The following NFATC2 variants were observed in gnomAD, a reference collection of about 807,000 sequenced individuals.
The protein encoded by NFATC2 is nuclear factor of activated T-cells, cytoplasmic 2.
Under a neutral mutation model 87.3 loss-of-function variants are expected in NFATC2, and 22 were observed. The observed-to-expected ratio is 0.25, with a 90% CI of 0.18 to 0.36. NFATC2 has a LOEUF of 0.36. Ranked by LOEUF, NFATC2 falls within the 10% of genes least tolerant of loss-of-function variation. The pLI is 1.00. For missense variants in NFATC2, 1,149 were observed against 1,259.1 expected (o/e 0.91, Z 1.32); for synonymous variants, 565 against 542.2 (o/e 1.04, Z -0.58).
intron 6 of NFATC2, among the ~76,000 whole-genome samples, chr20:51,439,758 C>T (rs1568979349): frequency 1.3e-5 from 2 of 152,228 alleles, no homozygotes; most frequent in African/African-American, 2.4e-5. Flanking sequence ...CCACGTACCC[C>T]AAATTTCGGA....
intron 9 of NFATC2, among the ~76,000 whole-genome samples, chr20:51,402,802 A>T (rs1446143887): frequency 6.6e-6 from 1 of 152,206 alleles, no homozygotes; most frequent in Non-Finnish European, 1.5e-5. Context: ...TGCTCATGTC[A>T]CAGAATCATG....
In NFATC2 at chr20:51,400,264, C is replaced by G. The variant is rs148420314; in HGVS notation, c.2723-1534G>C. 1.7e-3 allele frequency among the ~76,000 whole-genome samples: 252 copies of G among 152,310 alleles called. 1 individual carries two copies. Among genetic ancestry groups the G allele is most frequent in the African/African-American group, 5.5e-3 (227 of 41,556 alleles). ...AGTTCTGTAATGACCAACACGTTGTCACTTTATCCATATCTACTCATTTAA... is the reference window on the plus strand; with the variant it reads ...AGTTCTGTAATGACCAACACGTTGTGACTTTATCCATATCTACTCATTTAA... On this transcript the variant is annotated intron_variant, in intron 9 of 10. Transcript: ENST00000371564.
chr20:51,477,090 G>A (rs1385011349), intron 3 of NFATC2, among the ~76,000 whole-genome samples: 1 of 152,072 alleles, frequency 6.6e-6, no homozygotes, highest in Non-Finnish European at 1.5e-5. Context: ...GTACAAAAAT[G>A]TTTACAAAAA....
At chr20:51,392,097 T>C (rs917608623) in intron 10 of NFATC2, among the ~76,000 whole-genome samples, 1 of 152,222 alleles carries the variant, frequency 6.6e-6, no homozygotes, top group Non-Finnish European at 1.5e-5. Context: ...ACCAAACTAC[T>C]TCCACTATTT....
chr20:51,552,324 A>G (rs1200633382), intron 1 of NFATC2, among the ~76,000 whole-genome samples: 1 of 152,158 alleles, frequency 6.6e-6, no homozygotes, highest in East Asian at 1.9e-4. Flanking sequence ...GTGTGTATAT[A>G]TATATACATA....
At position 51,562,321 on chromosome 20, in the gene NFATC2, A is replaced by G. The variant is rs1161297983; in HGVS notation, c.70+239T>C. 1.3e-5 allele frequency among the ~76,000 whole-genome samples: 2 copies of G among 152,120 alleles called. No individual in the cohort carries two copies. Among genetic ancestry groups the G allele is most frequent in the African/African-American group, 2.4e-5 (1 of 41,438 alleles). On this transcript the variant is annotated intron_variant, in intron 1 of 10. Transcript: ENST00000414705. The surrounding 1 kb of genome is among the most constrained non-coding windows in gnomAD (Gnocchi z 5.8). The stretch of plus-strand genomic sequence containing the variant: ...CTGGCCTAGGGAATCCCGGCCTGGG[A>G]CACTTCCCTGCCCCCGCGTAAAGTT...
rs1472667475 is a variant in NFATC2, at chr20:51,388,576, T to C, written c.*2920A>G. On this transcript the variant is annotated 3_prime_UTR_variant, in exon 11 of 11. Transcript: ENST00000371564. The stretch of plus-strand genomic sequence containing the variant: ...TTCTGACCATTTATAAATATAAATC[T>C]AATTCCAACAGGGGTGTAATATTTT... 1 of 152,204 alleles carries C rather than the reference T, an allele frequency of 6.6e-6. No individual in the cohort carries two copies. The highest frequency in any genetic ancestry group is 6.5e-5 in the Admixed American group (1 of 15,280). 9.4% of individuals were successfully genotyped at this position (152,204 alleles called of 1,614,324 possible). A position where few individuals can be genotyped will look rare whatever the true frequency, so the allele number is the denominator to read the frequency against.
At chr20:51,450,670 G>A (rs1395877701) in intron 6 of NFATC2, among the ~76,000 whole-genome samples, 10 of 152,178 alleles carry the variant, frequency 6.6e-5, no homozygotes, top group South Asian at 2.1e-4. Context: ...ACCTGTGGAC[G>A]AGTCCCCTGG....
At chr20:51,475,798 A>G in intron 3 of NFATC2, 138 bp from the exon 4 acceptor site, 1 of 837,716 alleles carries the variant, frequency 1.2e-6, no homozygotes, top group African/African-American at 1.7e-5. Flanking sequence ...GGAGAACTGG[A>G]AACAACCTTG....
At chr20:51,460,089 C>T (rs754713425) in intron 5 of NFATC2, among the ~76,000 whole-genome samples, 3 of 152,204 alleles carry the variant, frequency 2.0e-5, no homozygotes, top group Non-Finnish European at 4.4e-5. Context: ...AGTAACAACT[C>T]AAGACATGAT....
intron 1 of NFATC2, among the ~76,000 whole-genome samples, chr20:51,540,799 C>G (rs572526331): frequency 1.3e-5 from 2 of 151,824 alleles, no homozygotes; most frequent in African/African-American, 4.8e-5. Flanking sequence ...ACTATTTCCC[C>G]GGAAATCCCC....
intron 10 of NFATC2, among the ~76,000 whole-genome samples, chr20:51,397,552 C>T (rs1225864206): frequency 3.3e-5 from 5 of 152,204 alleles, no homozygotes; most frequent in Non-Finnish European, 7.3e-5. Flanking sequence ...CTTACAACCT[C>T]AGCACTGATA....
intron 9 of NFATC2, among the ~76,000 whole-genome samples, chr20:51,404,213 G>A (rs888137085): frequency 6.6e-6 from 1 of 152,154 alleles, no homozygotes; most frequent in African/African-American, 2.4e-5. Context: ...CCTGGCGAGG[G>A]GCTCACACCC....
At chr20:51,410,450 G>A (rs1213945448) in intron 9 of NFATC2, among the ~76,000 whole-genome samples, 2 of 152,016 alleles carry the variant, frequency 1.3e-5, no homozygotes, top group East Asian at 3.9e-4. Flanking sequence ...AGCTTAGGGG[G>A]AGGGGTAAGT....
In NFATC2 at chr20:51,432,486, G is replaced by A. The variant is rs765127266; in HGVS notation, c.2303C>T (p.Pro768Leu). 7 of 1,554,250 alleles carry A rather than the reference G, an allele frequency of 4.5e-6. No individual in the cohort carries two copies. The highest frequency in any genetic ancestry group is 1.4e-5 in the African/African-American group (1 of 73,294). ...GGACAGCGGGGCGGCCATGAGGGCC[G>A]GCTGCTGATAGCCCAGCAGGCTGGG... is the stretch of plus-strand genomic sequence containing the variant. ...LSPSLLGYQQ[P>L]ALMAAPLSLA... The change falls in exon 9 of 11, where the codon CCG (proline) becomes CTG (leucine). Residue 768 changes from proline to leucine, a missense_variant. Coordinates refer to ENST00000371564, the MANE Select transcript of NFATC2 (RefSeq NM_012340.5). The surrounding 1 kb of genome is among the most constrained non-coding windows in gnomAD (Gnocchi z 4.6).
chr20:51,484,997 G>A (rs1989588256), intron 3 of NFATC2, among the ~76,000 whole-genome samples: 1 of 152,230 alleles, frequency 6.6e-6, no homozygotes, highest in African/African-American at 2.4e-5. Context: ...GGCTCTCTCA[G>A]TGTTCTAAAT....
chr20:51,546,582 C>A (rs1049005125), upstream of NFATC2, among the ~76,000 whole-genome samples: 2 of 152,102 alleles, frequency 1.3e-5, no homozygotes, highest in Admixed American at 6.5e-5. Context: ...TTTTCCCCAG[C>A]CTCTCCAACC....
intron 9 of NFATC2, among the ~76,000 whole-genome samples, chr20:51,425,576 G>A (rs548190776): frequency 3.3e-5 from 5 of 152,228 alleles, no homozygotes; most frequent in African/African-American, 4.8e-5. Flanking sequence ...AGGGCTCTGC[G>A]GTGACCAGGC....
At chr20:51,464,242 G>A (rs1987442847) in intron 5 of NFATC2, among the ~76,000 whole-genome samples, 1 of 152,184 alleles carries the variant, frequency 6.6e-6, no homozygotes, top group South Asian at 2.1e-4. Context: ...CCACCACAAA[G>A]GCCACCACAA....
Sources: gnomAD v4.1 joint callset for allele counts (sites outside exome capture counted in the v4.1 genomes callset) on GRCh38, gnomAD v4.1.1 for gene constraint, Gnocchi (gnomAD v3.1) non-coding constraint, MANE v1.5 for transcripts, NCBI Gene and HGNC (gene_info 2026-07-23, HGNC 2026-07-21) for gene names.